Variants in PPM1L observed in about 807,000 individuals in gnomAD.
PPM1L encodes the protein protein phosphatase 1L.
Under a neutral mutation model 31.4 loss-of-function variants are expected in PPM1L, and 13 were observed. The observed-to-expected ratio is 0.41, with a 90% confidence interval of 0.27 to 0.66. The LOEUF is 0.66. PPM1L is among the 30% of genes least tolerant of loss of function. The pLI, the probability that PPM1L is intolerant of heterozygous loss-of-function variation, is 0.29. For synonymous variants in PPM1L, 184 were observed against 175.4 expected, an observed-to-expected ratio of 1.05 and a Z score of -0.39; for missense variants, 326 against 453.7, an observed-to-expected ratio of 0.72 and a Z score of 2.56.
At chr3:160,793,193 A>G (rs966716502) in intron 1 of PPM1L, among the ~76,000 whole-genome samples, 1 of 152,148 alleles carries the variant, frequency 6.6e-6, no homozygotes, top group African/African-American at 2.4e-5. Context: ...TGCTGCCCAC[A>G]CTTAGGTCTT....
chr3:161,059,875 C>T (rs372486060), intron 2 of PPM1L, among the ~76,000 whole-genome samples: 2 of 152,074 alleles, frequency 1.3e-5, no homozygotes, highest in Non-Finnish European at 2.9e-5. Context: ...TGTGAAGTGC[C>T]TCATGCCTCC....
In PPM1L at chr3:161,074,597, C is replaced by A. The variant is rs567248172; in HGVS notation, c.*5440C>A. 7 of 152,258 alleles carry A rather than the reference C, an allele frequency of 4.6e-5. No homozygotes were observed. The highest frequency in any genetic ancestry group is 1.7e-4 in the African/African-American group (7 of 41,558). 9.4% of individuals were successfully genotyped at this position (152,258 alleles called of 1,614,324 possible). On this transcript the variant is annotated 3_prime_UTR_variant, in exon 4 of 4. Transcript: ENST00000498165. ...CATGAAGCTTCCAATAGATGCATTT[C>A]TAAACATTTTTTCTAATATGTAAAT...
intron 1 of PPM1L, among the ~76,000 whole-genome samples, chr3:160,906,659 T>A (rs79338559): frequency 0.038 from 5,680 of 149,704 alleles, 320 homozygotes; most frequent in African/African-American, 0.12. Flanking sequence ...CCTGGGTGCT[T>A]CTGACTCAAT....
At chr3:160,823,368 A>ATT (rs199918303) in intron 1 of PPM1L, among the ~76,000 whole-genome samples, 8 of 142,152 alleles carry the variant, frequency 5.6e-5, no homozygotes, top group Non-Finnish European at 9.2e-5. Flanking sequence ...TGTATAAATG[A>ATT]TTTTTTTTTT....
intron 1 of PPM1L, among the ~76,000 whole-genome samples, chr3:160,773,723 C>T (rs1396852318): frequency 6.6e-6 from 1 of 152,182 alleles, no homozygotes; most frequent in Non-Finnish European, 1.5e-5. Flanking sequence ...CCATCTGACA[C>T]TTTTTCAGAC....
chr3:160,816,769 C>G (rs1713007574), intron 1 of PPM1L, among the ~76,000 whole-genome samples: 1 of 151,986 alleles, frequency 6.6e-6, no homozygotes, highest in Admixed American at 6.6e-5. Context: ...CTCAGTGAGG[C>G]CCCCATCATA....
At chr3:160,843,470 G>GT (rs1356729701) in intron 1 of PPM1L, among the ~76,000 whole-genome samples, 1 of 50,250 alleles carries the variant, frequency 2.0e-5, no homozygotes, top group Non-Finnish European at 4.3e-5. Context: ...ATATATATAT[G>GT]TTTTTTTTAA....
intron 2 of PPM1L, among the ~76,000 whole-genome samples, chr3:160,969,723 A>T (rs1716262347): frequency 1.3e-5 from 2 of 152,230 alleles, no homozygotes; most frequent in Admixed American, 6.5e-5. Flanking sequence ...CAAGAATTGG[A>T]GAATTTGGAA....
chr3:161,060,866 G>T (rs1301758916), intron 2 of PPM1L, among the ~76,000 whole-genome samples: 1 of 151,900 alleles, frequency 6.6e-6, no homozygotes, highest in Non-Finnish European at 1.5e-5. Flanking sequence ...CTGAGGTTCA[G>T]AATTAAGTAA....
intron 1 of PPM1L, among the ~76,000 whole-genome samples, chr3:160,857,019 C>G (rs1387494045): frequency 6.6e-6 from 1 of 152,100 alleles, no homozygotes; most frequent in Non-Finnish European, 1.5e-5. Context: ...TCTAACTTTC[C>G]TATCCTTTAC....
At position 160,933,760 on chromosome 3, in the gene PPM1L, G is replaced by C. The variant is rs578260676; in HGVS notation, c.400-27976G>C. On this transcript the variant is annotated intron_variant, in intron 1 of 3. Coordinates refer to ENST00000498165, the MANE Select transcript of PPM1L (RefSeq NM_139245.4). Reference sequence around the variant, plus strand: ...TGCCTGGGGTATAACCTTTCTTCCTGTCTTTATTTGAAATGTTTCTGAGCC... The same window carrying C: ...TGCCTGGGGTATAACCTTTCTTCCTCTCTTTATTTGAAATGTTTCTGAGCC... Among the ~76,000 whole-genome samples the C allele has an allele frequency of 6.6e-5, 10 of 151,640 alleles. No homozygotes were observed. In the South Asian group the frequency reaches 1.9e-3, roughly 28 times the overall value.
chr3:161,005,878 A>G (rs1430097542), intron 2 of PPM1L, among the ~76,000 whole-genome samples: 2 of 152,230 alleles, frequency 1.3e-5, no homozygotes, highest in Non-Finnish European at 1.5e-5. Context: ...AAATTATTAG[A>G]AGAAATCAGG....
At chr3:160,774,507 C>G (rs768684211) in intron 1 of PPM1L, among the ~76,000 whole-genome samples, 16 of 151,962 alleles carry the variant, frequency 1.1e-4, no homozygotes, top group Non-Finnish European at 1.8e-4. Flanking sequence ...TTAAAAAAAC[C>G]TCTGATTTTC....
At chr3:160,916,016 A>G (rs2108066934) in intron 1 of PPM1L, among the ~76,000 whole-genome samples, 1 of 152,366 alleles carries the variant, frequency 6.6e-6, no homozygotes, top group Admixed American at 6.5e-5. Context: ...CTTCATGTCT[A>G]AAACACCAAA....
At chr3:161,038,586 A>T (rs35343584) in intron 2 of PPM1L, among the ~76,000 whole-genome samples, 78 of 20,194 alleles carry the variant, frequency 3.9e-3, no homozygotes, top group East Asian at 0.2. Flanking sequence ...GATTTGTTTT[A>T]AAAAAAAAAA....
chr3:161,007,648 T>A lies in PPM1L; in HGVS notation c.574+45738T>A, dbSNP rs140847889. Among the ~76,000 whole-genome samples, 698 of 152,354 alleles carry A rather than the reference T, an allele frequency of 4.6e-3. 4 individuals carry two copies. The highest frequency in any genetic ancestry group is 0.015 in the African/African-American group (619 of 41,584). On this transcript the variant is annotated intron_variant, in intron 2 of 3. Transcript: ENST00000498165. ...TTAAAATATTATGATTTATTTATTT[T>A]TTTATTTTTATTTTTTTAGCTCATC... is the stretch of plus-strand genomic sequence containing the variant.
chr3:160,821,576 A>G (rs1713203586), intron 1 of PPM1L, among the ~76,000 whole-genome samples: 2 of 152,220 alleles, frequency 1.3e-5, no homozygotes, highest in South Asian at 2.1e-4. Context: ...TTAATGTAAT[A>G]AAACCACAAA....
chr3:160,766,416 AT>A (rs1313013968), intron 1 of PPM1L, among the ~76,000 whole-genome samples: 1 of 152,162 alleles, frequency 6.6e-6, no homozygotes, highest in East Asian at 1.9e-4. Flanking sequence ...GGATTAGATC[AT>A]TAGATCATTA....
At chr3:160,822,960 A>G (rs1713246717) in intron 1 of PPM1L, among the ~76,000 whole-genome samples, 1 of 152,114 alleles carries the variant, frequency 6.6e-6, no homozygotes, top group African/African-American at 2.4e-5. Context: ...AAACATATAA[A>G]CAAAAACCAT....
Sources: gnomAD v4.1 joint callset for allele counts (sites outside exome capture counted in the v4.1 genomes callset) on GRCh38, gnomAD v4.1.1 for gene constraint, MANE v1.5 for transcripts, NCBI Gene and HGNC (gene_info 2026-07-23, HGNC 2026-07-21) for gene names.